The following DNAAF9 variants were observed in gnomAD, a reference collection of about 807,000 sequenced individuals.
The protein encoded by DNAAF9 is shulin.
DNAAF9 carries 90 observed loss-of-function variants against 167.0 expected under a neutral mutation model. That is an observed-to-expected ratio of 0.54 (90% CI 0.45 to 0.64). DNAAF9 has a LOEUF of 0.64. Among genes scored for constraint, DNAAF9 ranks in the 30% least tolerant of loss-of-function variants. The probability of loss-of-function intolerance (pLI) is 0.00; values close to 1 mark genes in which losing one functional copy is unlikely to be tolerated. For missense variants in DNAAF9, 1,315 were observed against 1,442.2 expected (o/e 0.91, Z 1.43); for synonymous variants, 491 against 508.8 (o/e 0.96, Z 0.47).
chr20:3,322,755 G>A, intron 14 of DNAAF9, 59 bp from the exon 15 acceptor site: 2 of 1,237,424 alleles, frequency 1.6e-6, no homozygotes, highest in Admixed American at 1.7e-5. Flanking sequence ...TCAGATACCT[G>A]TGCAGGGTAC....
intron 1 of DNAAF9, among the ~76,000 whole-genome samples, chr20:3,404,945 C>A (rs1410830383): frequency 6.6e-6 from 1 of 152,210 alleles, no homozygotes; most frequent in Non-Finnish European, 1.5e-5. Flanking sequence ...CACCTGGAAG[C>A]TAGCTCTGGG....
intron 31 of DNAAF9, among the ~76,000 whole-genome samples, chr20:3,260,358 T>G (rs894934264): frequency 2.0e-5 from 3 of 151,834 alleles, no homozygotes; most frequent in African/African-American, 7.3e-5. Flanking sequence ...AAAAAAAAAT[T>G]TTAAGTACAA....
chr20:3,322,326 G>A (rs2069630863), intron 15 of DNAAF9, 64 bp from the exon 16 acceptor site: 3 of 1,314,644 alleles, frequency 2.3e-6, no homozygotes, highest in Non-Finnish European at 2.2e-6. Flanking sequence ...AATTTACAGT[G>A]TTTGCTTTTT....
chr20:3,391,191 A>T (rs1456892304), intron 1 of DNAAF9, among the ~76,000 whole-genome samples: 2 of 152,220 alleles, frequency 1.3e-5, no homozygotes, highest in Admixed American at 1.3e-4. Context: ...AAATGGTGAA[A>T]CTAAATTCAA....
intron 1 of DNAAF9, among the ~76,000 whole-genome samples, chr20:3,392,750 T>C (rs6051830): frequency 0.25 from 37,341 of 152,180 alleles, 5,129 homozygotes; most frequent in African/African-American, 0.35. Flanking sequence ...AGAAAAAAAT[T>C]GGAAATTTTA....
At chr20:3,376,597 T>C (rs148982834) in intron 3 of DNAAF9, among the ~76,000 whole-genome samples, 181 of 152,294 alleles carry the variant, frequency 1.2e-3, no homozygotes, top group African/African-American at 3.7e-3. Context: ...ATTTTAGACT[T>C]TTTAGGGAAA....
chr20:3,343,159 AGT>A (rs1375851960), intron 9 of DNAAF9, among the ~76,000 whole-genome samples: 2 of 152,198 alleles, frequency 1.3e-5, no homozygotes, highest in African/African-American at 4.8e-5. Context: ...AGCAGACAAC[AGT>A]GATTTATTTA....
At chr20:3,340,949 A>C (rs1044932962) in intron 9 of DNAAF9, among the ~76,000 whole-genome samples, 1 of 152,190 alleles carries the variant, frequency 6.6e-6, no homozygotes, top group Admixed American at 6.5e-5. Flanking sequence ...GTGATAGAGC[A>C]AAACTCCGGT....
chr20:3,299,488 T>C (rs1445782030), intron 21 of DNAAF9, among the ~76,000 whole-genome samples: 2 of 151,960 alleles, frequency 1.3e-5, no homozygotes, highest in Non-Finnish European at 2.9e-5. Context: ...ATTTTTGTAT[T>C]TTTAGTAGAG....
At chr20:3,361,013 C>T (rs762677353) in intron 6 of DNAAF9, among the ~76,000 whole-genome samples, 1 of 152,064 alleles carries the variant, frequency 6.6e-6, no homozygotes. Flanking sequence ...GGGCTGAGGA[C>T]CCAATATTCA....
chr20:3,304,732 G>A (rs2069258853), intron 20 of DNAAF9, among the ~76,000 whole-genome samples, 189 bp from the exon 21 acceptor site: 1 of 152,120 alleles, frequency 6.6e-6, no homozygotes, highest in Non-Finnish European at 1.5e-5. Context: ...AGGGAAATGA[G>A]GCATCAGATG....
chr20:3,345,388 C>G (rs2070173161), intron 8 of DNAAF9, among the ~76,000 whole-genome samples: 1 of 152,156 alleles, frequency 6.6e-6, no homozygotes, highest in African/African-American at 2.4e-5. Flanking sequence ...TCATCTCAAG[C>G]AATCCTAATA....
chr20:3,271,271 G>T (rs1336941575), intron 29 of DNAAF9, among the ~76,000 whole-genome samples: 4 of 152,078 alleles, frequency 2.6e-5, no homozygotes, highest in African/African-American at 4.8e-5. Flanking sequence ...TATAACAGGG[G>T]TTATTCATTA....
At chr20:3,279,540 C>T (rs932632874) in intron 28 of DNAAF9, among the ~76,000 whole-genome samples, 9 of 152,212 alleles carry the variant, frequency 5.9e-5, no homozygotes, top group African/African-American at 2.2e-4. Context: ...AACTCATATT[C>T]TCACAGGACT....
In DNAAF9 at chr20:3,270,556, A is replaced by C; in HGVS notation, c.2657T>G (p.Val886Gly). ...GTGACTGGTGAATACCACGTTACTC[A>C]CCAGGCCTGGGAATAAAACCAAGGA... ...KCLDQCSQGL[V>G]SNVVFTSHTT... The change falls in exon 30 of 37, where the codon GTG becomes GGG. Residue 886 changes from valine (V) to glycine (G), a missense_variant. Val to Gly is a moderately radical substitution (Grantham distance 109). Transcript: ENST00000252032. 2 of 1,612,432 alleles carry C rather than the reference A, an allele frequency of 1.2e-6. No homozygotes were observed. Among genetic ancestry groups the C allele is most frequent in the Non-Finnish European group, 1.7e-6 (2 of 1,179,674 alleles).
At chr20:3,346,979 C>G (rs1293546467) in intron 8 of DNAAF9, among the ~76,000 whole-genome samples, 1 of 152,132 alleles carries the variant, frequency 6.6e-6, no homozygotes, top group Non-Finnish European at 1.5e-5. Flanking sequence ...ACTTTCCAAA[C>G]TTAAAGGAAA....
At chr20:3,322,400 G>T in intron 15 of DNAAF9, 138 bp from the exon 16 acceptor site, 1 of 771,678 alleles carries the variant, frequency 1.3e-6, no homozygotes, top group South Asian at 1.5e-5. Context: ...ACACTGGGTT[G>T]CATGTCTGTA....
chr20:3,328,295 C>T (rs1406058457), intron 12 of DNAAF9, among the ~76,000 whole-genome samples: 1 of 151,602 alleles, frequency 6.6e-6, no homozygotes, highest in Non-Finnish European at 1.5e-5. Flanking sequence ...GATTTTCCTG[C>T]CTCAGCCTCC....
chr20:3,378,527 T>G lies in DNAAF9; in HGVS notation c.284-2225A>C, dbSNP rs549605618. Among the ~76,000 whole-genome samples, 4 of 151,340 alleles carry G rather than the reference T, an allele frequency of 2.6e-5. 1 individual carries two copies. The highest frequency in any genetic ancestry group is 9.7e-5 in the African/African-American group (4 of 41,224). On this transcript the variant is annotated intron_variant, in intron 3 of 36. Transcript: ENST00000252032. Reference sequence around the variant, plus strand: ...TAAATGGAAGAGCCATGGGATGGAGTAGAATATTAAAGCAGTTTGACAACT... The same window carrying G: ...TAAATGGAAGAGCCATGGGATGGAGGAGAATATTAAAGCAGTTTGACAACT...
Sources: allele counts gnomAD v4.1 joint callset (sites outside exome capture counted in the v4.1 genomes callset), GRCh38; gene constraint gnomAD v4.1.1; transcripts MANE v1.5; gene names NCBI Gene and HGNC (gene_info 2026-07-23, HGNC 2026-07-21).